Variants in WWP2 observed in about 807,000 individuals in gnomAD.
WWP2 encodes NEDD4-like E3 ubiquitin-protein ligase WWP2.
In WWP2, 57 loss-of-function variants were observed where a neutral mutation model predicts 121.0. That is an observed-to-expected ratio of 0.47 (90% CI 0.38 to 0.59). The LOEUF is 0.59. Among genes scored for constraint, WWP2 ranks in the 20% least tolerant of loss-of-function variants. The probability of loss-of-function intolerance (pLI) is 0.00; values close to 1 mark genes in which losing one functional copy is unlikely to be tolerated. For missense variants in WWP2, 962 were observed against 1,158.9 expected (o/e 0.83, Z 2.47); for synonymous variants, 449 against 441.3 (o/e 1.02, Z -0.22).
chr16:69,862,253 C>T (rs184639070), intron 6 of WWP2, among the ~76,000 whole-genome samples: 17 of 152,058 alleles, frequency 1.1e-4, no homozygotes, highest in Admixed American at 5.9e-4. Flanking sequence ...TTAGTAGACA[C>T]GGGATTTCTC....
At chr16:69,862,642 T>C (rs1203227080) in intron 6 of WWP2, among the ~76,000 whole-genome samples, 5 of 152,054 alleles carry the variant, frequency 3.3e-5, no homozygotes, top group Non-Finnish European at 5.9e-5. Context: ...CCCTTTCATA[T>C]TCTGGGCCTC....
At chr16:69,867,929 G>A (rs1049072764) in intron 6 of WWP2, among the ~76,000 whole-genome samples, 14 of 152,298 alleles carry the variant, frequency 9.2e-5, no homozygotes, top group African/African-American at 1.4e-4. Flanking sequence ...ATTTGTCTGG[G>A]TGCTATTTTG....
chr16:69,862,708 CTTTTTTTTTTTTTTTTT>C (rs546868069), intron 6 of WWP2, among the ~76,000 whole-genome samples: 1 of 76,508 alleles, frequency 1.3e-5, no homozygotes, highest in South Asian at 4.2e-4. Flanking sequence ...GCCATGAATT[CTTTTTTTTTTTTTTTTT>C]TTTTTTTTTG....
intron 21 of WWP2, among the ~76,000 whole-genome samples, chr16:69,938,108 T>A (rs1309450772): frequency 6.6e-6 from 1 of 152,228 alleles, no homozygotes; most frequent in Non-Finnish European, 1.5e-5. Flanking sequence ...TCTTAGTACA[T>A]GTCTGTGTGC....
intron 4 of WWP2, among the ~76,000 whole-genome samples, chr16:69,834,145 G>A (rs2056836292): frequency 1.3e-5 from 2 of 152,194 alleles, no homozygotes; most frequent in Admixed American, 6.5e-5. Flanking sequence ...CCCGTCCCAT[G>A]TTGAGCAATT....
chr16:69,832,245 T>C (rs1274788878), intron 4 of WWP2, among the ~76,000 whole-genome samples: 1 of 152,168 alleles, frequency 6.6e-6, no homozygotes, highest in Non-Finnish European at 1.5e-5. Context: ...AAACAGTCGA[T>C]GAATCCCCAC....
chr16:69,896,317 C>G (rs1487113261), intron 8 of WWP2, among the ~76,000 whole-genome samples: 1 of 152,130 alleles, frequency 6.6e-6, no homozygotes. Flanking sequence ...CAAGGTCTTG[C>G]TATGTTACCC....
chr16:69,775,224 T>C (rs2055499523), intron 1 of WWP2: 1 of 152,186 alleles, frequency 6.6e-6, no homozygotes, highest in Non-Finnish European at 1.5e-5. Context: ...GGATATTTCT[T>C]TCCTTGGGGT....
At chr16:69,770,701 A>T (rs1360384164) in intron 1 of WWP2, among the ~76,000 whole-genome samples, 4 of 152,050 alleles carry the variant, frequency 2.6e-5, no homozygotes, top group Non-Finnish European at 4.4e-5. Flanking sequence ...AGTCTTGGGG[A>T]ACTAAACCTG....
At chr16:69,843,964 A>T (rs2057024360) in intron 6 of WWP2, among the ~76,000 whole-genome samples, 1 of 152,254 alleles carries the variant, frequency 6.6e-6, no homozygotes, top group Admixed American at 6.5e-5. Flanking sequence ...GCATCTTAAA[A>T]GATCCCTCTG....
intron 21 of WWP2, 90 bp from the exon 22 acceptor site, chr16:69,938,937 G>A: frequency 8.0e-7 from 1 of 1,245,578 alleles, no homozygotes; most frequent in Non-Finnish European, 1.1e-6. Flanking sequence ...GCCCCAAAGA[G>A]GGGCCCCGCT....
chr16:69,801,372 C>T (rs1446902791), intron 4 of WWP2, among the ~76,000 whole-genome samples: 1 of 151,610 alleles, frequency 6.6e-6, no homozygotes, highest in Admixed American at 6.6e-5. Flanking sequence ...GTAGCTGGGA[C>T]TACAGGCACA....
intron 13 of WWP2, 121 bp from the exon 14 acceptor site, chr16:69,931,031 C>T: frequency 1.1e-6 from 1 of 897,968 alleles, no homozygotes; most frequent in Non-Finnish European, 1.8e-6. Flanking sequence ...CAGTCACTTC[C>T]TCACCTTACA....
At position 69,840,148 on chromosome 16, in the gene WWP2, G is replaced by C; in HGVS notation, c.363G>C (p.Leu121=). The C allele has an allele frequency of 1.2e-6, 2 of 1,614,240 alleles. No homozygotes were observed. The highest frequency in any genetic ancestry group is 1.7e-6 in the Non-Finnish European group (2 of 1,180,042). Residue 121 remains leucine (L), a synonymous_variant, in exon 5 of 24, where the codon CTG becomes CTC. Transcript: ENST00000359154. ...CAGTGGAGAACATGCAGCTGACCCT[G>C]AACCTGCAGACGGAGAACAAAGGCA... ...GGKMENMQLT[L]NLQTENKGSV...
intron 8 of WWP2, among the ~76,000 whole-genome samples, chr16:69,907,475 C>A (rs2058312116): frequency 6.6e-6 from 1 of 152,130 alleles, no homozygotes; most frequent in South Asian, 2.1e-4. Context: ...TAGACAGTAC[C>A]CAAAAGTAGA....
chr16:69,824,767 CTTTTTTTTTTT>C (rs34154307), intron 4 of WWP2, among the ~76,000 whole-genome samples: 1 of 82,754 alleles, frequency 1.2e-5, no homozygotes, highest in African/African-American at 5.3e-5. Flanking sequence ...GCACCTGTGG[CTTTTTTTTTTT>C]TTTTTTTTTT....
chr16:69,873,349 G>A (rs1285074170), intron 7 of WWP2, among the ~76,000 whole-genome samples: 4 of 152,312 alleles, frequency 2.6e-5, no homozygotes, highest in East Asian at 3.9e-4. Context: ...AAGATGGAGT[G>A]GTCTGTGTCC....
intron 1 of WWP2, among the ~76,000 whole-genome samples, chr16:69,768,386 A>G (rs900554204): frequency 9.2e-5 from 14 of 152,308 alleles, no homozygotes; most frequent in Middle Eastern, 3.4e-3. Flanking sequence ...AGGTGGGTAG[A>G]TCACCTGAAG....
intron 2 of WWP2, 125 bp from the exon 3 acceptor site, chr16:69,798,557 G>T: frequency 2.6e-6 from 3 of 1,148,926 alleles, no homozygotes; most frequent in East Asian, 2.7e-5. Flanking sequence ...TTAGAATCAA[G>T]ACAAAACAAA....
Sources: gnomAD v4.1 joint callset for allele counts (sites outside exome capture counted in the v4.1 genomes callset) on GRCh38, gnomAD v4.1.1 for gene constraint, MANE v1.5 for transcripts, NCBI Gene and HGNC (gene_info 2026-07-23, HGNC 2026-07-21) for gene names.